The following STRIP1 variants were observed in gnomAD, a reference collection of about 807,000 sequenced individuals.
STRIP1 encodes striatin-interacting protein 1.
A neutral mutation model predicts 106.2 loss-of-function variants in STRIP1; 63 were observed. The observed-to-expected ratio is 0.59, with a 90% CI of 0.48 to 0.73. The LOEUF (loss-of-function observed/expected upper bound fraction) is 0.73, where lower values mean the gene tolerates loss of function less well. Ranked by LOEUF, STRIP1 falls within the 30% of genes least tolerant of loss-of-function variation. The probability of loss-of-function intolerance (pLI) is 0.00; values close to 1 mark genes in which losing one functional copy is unlikely to be tolerated. For missense variants in STRIP1, 857 were observed against 1,074.8 expected, an observed-to-expected ratio of 0.80 and a Z score of 2.83; for synonymous variants, 390 against 413.0, an observed-to-expected ratio of 0.94 and a Z score of 0.67.
intron 9 of STRIP1, 124 bp downstream of exon 9, chr1:110,043,394 T>A (rs1452758457): frequency 9.3e-7 from 1 of 1,077,808 alleles, no homozygotes; most frequent in Non-Finnish European, 1.3e-6. Flanking sequence ...GAATCATGCC[T>A]CCACAGCGAG....
chr1:110,049,496 T>A lies in STRIP1; in HGVS notation c.1825T>A (p.Cys609Ser), dbSNP rs1462878120. The change falls in exon 17 of 21, where the codon TGC becomes AGC. Residue 609 changes from cysteine to serine, a missense_variant. Physicochemically the swap from Cys to Ser is moderately radical, Grantham distance 112. Around this residue, in one of 2 missense-constraint regions of STRIP1, gnomAD observed 750 missense variants for 989.8 expected, o/e 0.76. Transcript: ENST00000369795. ...YMAQHLVFAN[C>S]IPLILKFFNQ... ...GGCCCAGCACCTGGTGTTTGCCAAC[T>A]GCATTCCTTTGATCCTAAAGTTCTT... 1 of 1,611,742 alleles carries A rather than the reference T, an allele frequency of 6.2e-7. No individual in the cohort carries two copies. The highest frequency in any genetic ancestry group is 2.2e-5 in the East Asian group (1 of 44,702).
intron 17 of STRIP1, 66 bp from the exon 18 acceptor site, chr1:110,050,277 A>G (rs769150233): frequency 4.9e-5 from 75 of 1,528,372 alleles, no homozygotes; most frequent in Non-Finnish European, 6.3e-5. Flanking sequence ...TGGCTCAGGC[A>G]CGGCTGCTCC....
upstream of STRIP1, chr1:110,034,527 C>T (rs1652335102): frequency 7.5e-7 from 1 of 1,333,124 alleles, no homozygotes; most frequent in Non-Finnish European, 9.8e-7. Context: ...GCTTCTAACA[C>T]TGGCCGCCAC....
chr1:110,050,275 G>T, intron 17 of STRIP1, 68 bp from the exon 18 acceptor site: 1 of 1,511,366 alleles, frequency 6.6e-7, no homozygotes. Context: ...GCTGGCTCAG[G>T]CACGGCTGCT....
chr1:110,034,644 C>T lies in STRIP1; in HGVS notation c.7C>T (p.Pro3Ser), dbSNP rs1161987842. 3 of 1,521,302 alleles carry T rather than the reference C, an allele frequency of 2.0e-6. No homozygotes were observed. Among genetic ancestry groups the T allele is most frequent in the Admixed American group, 4.3e-5 (2 of 47,018 alleles). 94.2% of individuals were successfully genotyped at this position (1,521,302 alleles called of 1,614,324 possible). Residue 3 changes from proline to serine, a missense_variant, in exon 1 of 21, where the codon CCG (proline) becomes TCG (serine). Coordinates refer to ENST00000369795, the MANE Select transcript of STRIP1 (RefSeq NM_033088.4). Reference protein sequence around the residue: MEPAVGGPGPLIV... With the variant: MESAVGGPGPLIV... Reference sequence around the variant, plus strand: ...GGGGTGTGGAGCAGCCAAGATGGAGCCGGCAGTCGGCGGTCCGGGCCCACT... The same window carrying T: ...GGGGTGTGGAGCAGCCAAGATGGAGTCGGCAGTCGGCGGTCCGGGCCCACT...
chr1:110,035,933 A>C (rs1652430715), intron 1 of STRIP1, among the ~76,000 whole-genome samples: 1 of 152,232 alleles, frequency 6.6e-6, no homozygotes, highest in African/African-American at 2.4e-5. Flanking sequence ...TTTGAAAAAA[A>C]CAAAAACACT....
chr1:110,042,476 A>G (rs1036282038), intron 8 of STRIP1, among the ~76,000 whole-genome samples: 1 of 152,084 alleles, frequency 6.6e-6, no homozygotes, highest in African/African-American at 2.4e-5. Flanking sequence ...GAATGGGTCA[A>G]CTCTGGAGCC....
intron 2 of STRIP1, 150 bp from the exon 3 acceptor site, chr1:110,038,533 C>T: frequency 1.6e-6 from 1 of 621,832 alleles, no homozygotes. Flanking sequence ...ACTAAGATCC[C>T]CTTCATAATT....
intron 17 of STRIP1, 22 bp downstream of exon 17, chr1:110,049,582 G>T (rs1653195495): frequency 1.3e-6 from 2 of 1,537,782 alleles, no homozygotes; most frequent in Non-Finnish European, 1.8e-6. Context: ...CAGGGACCAT[G>T]AAGGGGTGGA....
chr1:110,043,951 T>A, intron 10 of STRIP1, 95 bp downstream of exon 10: 1 of 1,167,940 alleles, frequency 8.6e-7, no homozygotes, highest in Non-Finnish European at 1.3e-6. Flanking sequence ...TGTGTGGTCC[T>A]CTGCAGGGCA....
At chr1:110,042,858 G>T in intron 8 of STRIP1, 1 of 533,510 alleles carries the variant, frequency 1.9e-6, no homozygotes. Context: ...ATCTGCACTA[G>T]GGTCAGTCAG....
chr1:110,035,962 G>A (rs1415015848), intron 1 of STRIP1, among the ~76,000 whole-genome samples: 1 of 152,184 alleles, frequency 6.6e-6, no homozygotes, highest in Admixed American at 6.5e-5. Context: ...AGGAGCCCTG[G>A]CATGGTGGGA....
intron 1 of STRIP1, among the ~76,000 whole-genome samples, 159 bp downstream of exon 1, chr1:110,034,976 G>C (rs950891398): frequency 6.6e-6 from 1 of 152,228 alleles, no homozygotes; most frequent in Non-Finnish European, 1.5e-5. Context: ...AAGCGAGGCT[G>C]GCAGCTCCTG....
chr1:110,047,200 AG>A (rs1380236614), intron 13 of STRIP1, among the ~76,000 whole-genome samples: 1 of 152,168 alleles, frequency 6.6e-6, no homozygotes, highest in Non-Finnish European at 1.5e-5. Flanking sequence ...CGTCTAGTGC[AG>A]GGTTAAGAAT....
chr1:110,043,986 G>C (rs1023430609), intron 10 of STRIP1, 130 bp downstream of exon 10: 1 of 874,366 alleles, frequency 1.1e-6, no homozygotes, highest in African/African-American at 1.7e-5. Flanking sequence ...CTGGGATGAG[G>C]CTCTCTTAAA....
At chr1:110,044,965 C>T (rs1652946770) in intron 11 of STRIP1, 50 bp from the exon 12 acceptor site, 2 of 1,613,124 alleles carry the variant, frequency 1.2e-6, no homozygotes, top group South Asian at 2.2e-5. Flanking sequence ...GTTTGGGATC[C>T]CAGGTGATTT....
In STRIP1 at chr1:110,034,695, C is replaced by G; in HGVS notation, c.58C>G (p.Pro20Ala). ...PLIVNNKQPQPPPPPPPAAAQ... is the reference protein window; with the variant it reads ...PLIVNNKQPQAPPPPPPAAAQ... ...GATCGTGAACAACAAACAGCCCCAG[C>G]CCCCGCCACCTCCGCCGCCGGCAGC... Residue 20 changes from proline (P) to alanine (A), a missense_variant, in exon 1 of 21, where the codon CCC (proline) becomes GCC (alanine). Pro to Ala is a conservative substitution (Grantham distance 27, BLOSUM62 -1). Around this residue, in one of 2 missense-constraint regions of STRIP1, gnomAD observed 107 missense variants for 85.1 expected, o/e 1.26. Coordinates refer to ENST00000369795, the MANE Select transcript of STRIP1 (RefSeq NM_033088.4). 6.6e-7 allele frequency: 1 copy of G among 1,514,778 alleles called. No individual in the cohort carries two copies. Among genetic ancestry groups the G allele is most frequent in the Non-Finnish European group, 8.8e-7 (1 of 1,133,568 alleles). 93.8% of individuals were successfully genotyped at this position (1,514,778 alleles called of 1,614,324 possible).
At chr1:110,051,989 T>C in intron 20 of STRIP1, 102 bp downstream of exon 20, 3 of 1,258,552 alleles carry the variant, frequency 2.4e-6, no homozygotes, top group Non-Finnish European at 3.3e-6. Flanking sequence ...TGCCCTGAGC[T>C]TCCCCCCAAG....
chr1:110,051,727 A>C lies in STRIP1; in HGVS notation c.2106A>C (p.Leu702=). ...CAGCCCCCATCTTGAAGCGGGCCCT[A>C]AAGGTGAAACAAGCCATGATGCAGC... ...FKSAPILKRA[L]KVKQAMMQLY... Residue 702 remains leucine (L), a synonymous_variant, in exon 20 of 21, where the codon CTA becomes CTC. Coordinates refer to ENST00000369795, the MANE Select transcript of STRIP1 (RefSeq NM_033088.4). 1 of 1,613,008 alleles carries C rather than the reference A, an allele frequency of 6.2e-7. No homozygotes were observed. Among genetic ancestry groups the C allele is most frequent in the Non-Finnish European group, 8.5e-7 (1 of 1,179,770 alleles).
Sources: gnomAD v4.1 joint callset for allele counts (sites outside exome capture counted in the v4.1 genomes callset) on GRCh38, gnomAD v4.1.1 for gene constraint, gnomAD v4.1.1 regional missense constraint, MANE v1.5 for transcripts, NCBI Gene and HGNC (gene_info 2026-07-23, HGNC 2026-07-21) for gene names.